The following TSPEAR variants were observed in gnomAD, a reference collection of about 807,000 sequenced individuals.
TSPEAR encodes the protein thrombospondin type laminin G domain and EAR repeats, also known as thrombospondin-type laminin G domain and EAR repeat-containing protein.
A neutral mutation model predicts 71.6 loss-of-function variants in TSPEAR; 69 were observed. The observed-to-expected ratio is 0.96, with a 90% CI of 0.79 to 1.18. The LOEUF is 1.18. TSPEAR is among the 50% of genes most tolerant of loss of function. The probability of loss-of-function intolerance (pLI) is 0.00; values close to 1 mark genes in which losing one functional copy is unlikely to be tolerated. For missense variants in TSPEAR, 971 were observed against 894.9 expected (o/e 1.09, Z -1.09); for synonymous variants, 402 against 387.2 (o/e 1.04, Z -0.45).
At chr21:44,647,069 G>C in intron 1 of TSPEAR, 2 of 1,613,704 alleles carry the variant, frequency 1.2e-6, no homozygotes, top group Middle Eastern at 1.7e-4. Context: ...CCCATCTGCT[G>C]TGTGCCTGTC....
At chr21:44,501,561 C>A (rs1555911096) in intron 11 of TSPEAR, among the ~76,000 whole-genome samples, 2 of 152,156 alleles carry the variant, frequency 1.3e-5, no homozygotes, top group Non-Finnish European at 2.9e-5. Flanking sequence ...TGGGCCACTG[C>A]ACTCCAGCTT....
At position 44,627,844 on chromosome 21, in the gene TSPEAR, T is replaced by C. The variant is rs782654914; in HGVS notation, c.83-59839A>G. 9.3e-6 allele frequency: 15 copies of C among 1,613,712 alleles called. No homozygotes were observed. The highest frequency in any genetic ancestry group is 4.0e-5 in the African/African-American group (3 of 74,856). ...GCCGGCTTGCTGCACCACCTCCTGCTGCAGACCCTCCTCCTCTGTGTCCCT... is the reference window on the plus strand; with the variant it reads ...GCCGGCTTGCTGCACCACCTCCTGCCGCAGACCCTCCTCCTCTGTGTCCCT... On this transcript the variant is annotated intron_variant, in intron 1 of 11. Coordinates refer to ENST00000323084, the MANE Select transcript of TSPEAR (RefSeq NM_144991.3).
At position 44,528,462 on chromosome 21, in the gene TSPEAR, G is replaced by T. The variant is rs782728272; in HGVS notation, c.912C>A (p.Ser304=). Residue 304 remains serine, a synonymous_variant, in exon 6 of 12, where the codon TCC becomes TCA. Transcript: ENST00000323084. ...LYLCVGNEWV[S]VLAAKERLDY... is the part of the protein sequence containing the mutation. The stretch of plus-strand genomic sequence containing the variant: ...GCAGGGCTGCCTCACCTGCTAACAC[G>T]GAGACCCACTCGTTGCCAACACACA... The T allele has an allele frequency of 6.2e-7, 1 of 1,613,842 alleles. No individual in the cohort carries two copies. The highest frequency in any genetic ancestry group is 2.2e-5 in the East Asian group (1 of 44,888).
At chr21:44,569,421 C>T (rs1457620109) in intron 1 of TSPEAR, among the ~76,000 whole-genome samples, 2 of 152,126 alleles carry the variant, frequency 1.3e-5, no homozygotes, top group South Asian at 2.1e-4. Flanking sequence ...CGTGAGCACC[C>T]TGGCTGCAGG....
At chr21:44,666,560 G>A (rs782298390) in intron 1 of TSPEAR, 2 of 1,600,156 alleles carry the variant, frequency 1.2e-6, no homozygotes, top group Non-Finnish European at 1.7e-6. Flanking sequence ...CAGGCCTGCA[G>A]CTCACAGGCA....
intron 1 of TSPEAR, among the ~76,000 whole-genome samples, chr21:44,630,235 AC>A (rs1161333775): frequency 6.6e-6 from 1 of 152,208 alleles, no homozygotes; most frequent in African/African-American, 2.4e-5. Flanking sequence ...ATCTAACAGA[AC>A]AAGGCAGGAG....
intron 2 of TSPEAR, among the ~76,000 whole-genome samples, chr21:44,540,498 G>A (rs1369068071): frequency 3.9e-5 from 6 of 152,300 alleles, no homozygotes; most frequent in Middle Eastern, 3.4e-3. Flanking sequence ...TAAGAAGGGG[G>A]CTGCGGAGGC....
chr21:44,525,899 T>C, intron 7 of TSPEAR, 60 bp from the exon 8 acceptor site: 1 of 1,510,748 alleles, frequency 6.6e-7, no homozygotes, highest in East Asian at 2.3e-5. Flanking sequence ...GCGGCCTGGT[T>C]TCTGAAGGCT....
chr21:44,536,746 C>G (rs1452976963), intron 2 of TSPEAR, among the ~76,000 whole-genome samples: 1 of 152,080 alleles, frequency 6.6e-6, no homozygotes, highest in African/African-American at 2.4e-5. Flanking sequence ...AAGTTAAATT[C>G]TCCTTATTTT....
At chr21:44,603,732 C>T (rs415753) in intron 1 of TSPEAR, among the ~76,000 whole-genome samples, 125,643 of 152,236 alleles carry the variant, frequency 0.83, 53,706 homozygotes, top group Non-Finnish European at 0.94. Context: ...CAGAAGCTGA[C>T]GGTGGCTGAA....
At chr21:44,646,181 G>A (rs587635792) in intron 1 of TSPEAR, among the ~76,000 whole-genome samples, 3 of 144,182 alleles carry the variant, frequency 2.1e-5, no homozygotes, top group African/African-American at 7.8e-5. Context: ...ACATTTCTGT[G>A]GCCAAAATAA....
At chr21:44,655,087 G>T (rs1294622663) in intron 1 of TSPEAR, among the ~76,000 whole-genome samples, 2 of 152,214 alleles carry the variant, frequency 1.3e-5, no homozygotes, top group Non-Finnish European at 2.9e-5. Context: ...TAATAATGAT[G>T]ATTATTGAGG....
intron 1 of TSPEAR, chr21:44,637,289 G>A: frequency 7.8e-7 from 1 of 1,283,060 alleles, no homozygotes; most frequent in Non-Finnish European, 1.1e-6. Context: ...GCATTGCTGA[G>A]TCTCCTGCTG....
At chr21:44,692,320 C>T (rs1555949831) in intron 1 of TSPEAR, among the ~76,000 whole-genome samples, 1 of 152,070 alleles carries the variant, frequency 6.6e-6, no homozygotes, top group East Asian at 1.9e-4. Context: ...CTTTTCACCA[C>T]CAATATTCAA....
intron 1 of TSPEAR, among the ~76,000 whole-genome samples, chr21:44,689,402 T>G (rs1987010407): frequency 6.6e-6 from 1 of 151,196 alleles, no homozygotes; most frequent in Admixed American, 6.6e-5. Flanking sequence ...CTCAGGAGGC[T>G]GAGGCAGGAG....
At chr21:44,607,272 G>T (rs1162891099) in intron 1 of TSPEAR, among the ~76,000 whole-genome samples, 1 of 152,232 alleles carries the variant, frequency 6.6e-6, no homozygotes, top group Middle Eastern at 3.4e-3. Flanking sequence ...TAAAGACAGG[G>T]TTTCACCATG....
At position 44,623,124 on chromosome 21, in the gene TSPEAR, A is replaced by T. The variant is rs139367288; in HGVS notation, c.83-55119T>A. 1.6e-3 allele frequency among the ~76,000 whole-genome samples: 240 copies of T among 152,294 alleles called. 1 individual carries two copies. Among genetic ancestry groups the T allele is most frequent in the African/African-American group, 5.3e-3 (222 of 41,548 alleles). ...CAACCTGCAGAACCATGAGCCAACT[A>T]AACTTTCGTCTTATAAATTACCCAG... On this transcript the variant is annotated intron_variant, in intron 1 of 11. Transcript: ENST00000323084. The surrounding 1 kb of genome is among the most constrained non-coding windows in gnomAD (Gnocchi z 4.5).
intron 1 of TSPEAR, among the ~76,000 whole-genome samples, chr21:44,673,081 T>A (rs1450186329): frequency 3.9e-5 from 6 of 152,134 alleles, no homozygotes; most frequent in African/African-American, 1.4e-4. Context: ...TTCAAAAAGA[T>A]CTTTTCCATG....
intron 8 of TSPEAR, among the ~76,000 whole-genome samples, chr21:44,524,878 G>A (rs1201486517): frequency 2.0e-5 from 3 of 150,770 alleles, no homozygotes; most frequent in African/African-American, 7.5e-5. Context: ...CAGCCAGTCA[G>A]GTAGTTAGTC....
Sources: allele counts gnomAD v4.1 joint callset (sites outside exome capture counted in the v4.1 genomes callset), GRCh38; gene constraint gnomAD v4.1.1; non-coding constraint Gnocchi (gnomAD v3.1); transcripts MANE v1.5; gene names NCBI Gene and HGNC (gene_info 2026-07-23, HGNC 2026-07-21).